The following TDRD3 variants were observed in gnomAD, a reference collection of about 807,000 sequenced individuals.
The protein encoded by TDRD3 is tudor domain containing 3, also known as tudor domain-containing protein 3.
TDRD3 carries 45 observed loss-of-function variants against 86.7 expected under a neutral mutation model. The observed-to-expected ratio is 0.52, with a 90% CI of 0.41 to 0.67. The LOEUF is 0.67. Ranked by LOEUF, TDRD3 falls within the 30% of genes least tolerant of loss-of-function variation. The pLI is 0.00. For missense variants in TDRD3, 814 were observed against 889.0 expected, an observed-to-expected ratio of 0.92 and a Z score of 1.07; for synonymous variants, 298 against 301.7, an observed-to-expected ratio of 0.99 and a Z score of 0.13.
intron 1 of TDRD3, among the ~76,000 whole-genome samples, chr13:60,417,173 C>A (rs1954541406): frequency 6.6e-6 from 1 of 151,458 alleles, no homozygotes; most frequent in African/African-American, 2.4e-5. Context: ...CACACCACCC[C>A]ACATGGCCAA....
In TDRD3 at chr13:60,557,887, A is replaced by G. The variant is rs541034423; in HGVS notation, c.2119-9638A>G. 5.4e-4 allele frequency among the ~76,000 whole-genome samples: 73 copies of G among 136,182 alleles called. 1 individual carries two copies. Among genetic ancestry groups the G allele is most frequent in the Middle Eastern group, 4.7e-3 (1 of 212 alleles). 89.3% of individuals were successfully genotyped at this position (136,182 alleles called of 152,430 possible). On this transcript the variant is annotated intron_variant, in intron 12 of 13. Coordinates refer to ENST00000377881, the MANE Select transcript of TDRD3 (RefSeq NM_001146070.2). ...TCACCAGGCTGGAGTGCAGTGTGCA[A>G]TCTCGGCTCACTGCAACCTCCACCT...
Position 60,483,820 on chromosome 13 carries a change from C to G in TDRD3, c.541C>G (p.Pro181Ala). Residue 181 changes from proline to alanine, a missense_variant, in exon 6 of 14, where the codon CCA becomes GCA. Coordinates refer to ENST00000377881, the MANE Select transcript of TDRD3 (RefSeq NM_001146070.2). ...AAGCAATATTGGAACTGAAGGTGGA[C>G]CACCGCCTTTTGTGCCTTTTGGACA... ...NRSNIGTEGG[P>A]PPFVPFGQKC... The G allele has an allele frequency of 2.5e-6, 4 of 1,613,268 alleles. No homozygotes were observed. The highest frequency in any genetic ancestry group is 3.4e-6 in the Non-Finnish European group (4 of 1,179,510).
intron 3 of TDRD3, among the ~76,000 whole-genome samples, chr13:60,445,784 T>A (rs1226793488): frequency 2.6e-5 from 4 of 152,184 alleles, no homozygotes; most frequent in Non-Finnish European, 5.9e-5. Context: ...ATCAAAGCAG[T>A]GTCTGTACAT....
intron 1 of TDRD3, among the ~76,000 whole-genome samples, chr13:60,417,381 C>T (rs1954550964): frequency 7.0e-6 from 1 of 142,302 alleles, no homozygotes; most frequent in South Asian, 2.2e-4. Context: ...GATGGAGTCT[C>T]ACTCTGTTGC....
At position 60,430,070 on chromosome 13, in the gene TDRD3, C is replaced by T. The variant is rs113591069; in HGVS notation, c.42-9618C>T. On this transcript the variant is annotated intron_variant, in intron 1 of 13. Coordinates refer to ENST00000377881, the MANE Select transcript of TDRD3 (RefSeq NM_001146070.2). ...CTTTTTCGGCAAGGGTAAACTGAGGCACAGAAAGATGAAGTAAATTGACTA... is the reference window on the plus strand; with the variant it reads ...CTTTTTCGGCAAGGGTAAACTGAGGTACAGAAAGATGAAGTAAATTGACTA... 3.4e-3 allele frequency among the ~76,000 whole-genome samples: 514 copies of T among 152,186 alleles called. 4 individuals are homozygous for T. Among genetic ancestry groups the T allele is most frequent in the African/African-American group, 0.012 (490 of 41,526 alleles).
chr13:60,509,848 A>T lies in TDRD3; in HGVS notation c.944A>T (p.Asn315Ile), dbSNP rs1255083073. The part of the protein sequence containing the change: ...SRQALMDNGN[N>I]LEAALNVLLT... ...CAAGCTCTTATGGATAATGGCAACA[A>T]CTTAGAAGCAGCACTGAACGTACTT... Residue 315 changes from asparagine to isoleucine, a missense_variant, in exon 9 of 14, where the codon AAC becomes ATC. Asn to Ile is a moderately radical substitution (Grantham distance 149, BLOSUM62 -3). Transcript: ENST00000377881. 6.2e-7 allele frequency: 1 copy of T among 1,613,802 alleles called. No individual in the cohort carries two copies. Among genetic ancestry groups the T allele is most frequent in the African/African-American group, 1.3e-5 (1 of 74,920 alleles).
intron 10 of TDRD3, among the ~76,000 whole-genome samples, chr13:60,511,052 A>G (rs911870390): frequency 6.6e-6 from 1 of 152,106 alleles, no homozygotes; most frequent in African/African-American, 2.4e-5. Flanking sequence ...TTGGAAATTT[A>G]TTATAATCTT....
At chr13:60,462,211 G>T (rs1049491290) in intron 4 of TDRD3, among the ~76,000 whole-genome samples, 5 of 152,170 alleles carry the variant, frequency 3.3e-5, no homozygotes, top group African/African-American at 1.2e-4. Context: ...CCCCTTGCAA[G>T]GGAGCTCACA....
chr13:60,397,266 T>TG lies in TDRD3; in HGVS notation c.-99_-98insG. 1.4e-6 allele frequency: 1 copy of TG among 718,954 alleles called. No individual in the cohort carries two copies. The highest frequency in any genetic ancestry group is 2.0e-6 in the Non-Finnish European group (1 of 492,650). The allele number at this position is 718,954 out of a possible 1,614,324, so 44.5% of individuals were successfully genotyped here. On this transcript the variant is annotated 5_prime_UTR_variant, in exon 1 of 14. An upstream open reading frame in the 5' UTR gains an earlier in-frame stop. Coordinates refer to ENST00000377881, the MANE Select transcript of TDRD3 (RefSeq NM_001146070.2). ...AGCCGACCAGAGGAGTTTTTTCTTT[T>TG]CTTTTCTTTTTTTTTTTTTAAGGGG... is the stretch of plus-strand genomic sequence containing the variant.
chr13:60,437,121 C>CTTTTTTTTTT (rs528500199), intron 1 of TDRD3, among the ~76,000 whole-genome samples: 4 of 73,760 alleles, frequency 5.4e-5, no homozygotes, highest in Non-Finnish European at 7.6e-5. Context: ...ATAAATTAAA[C>CTTTTTTTTTT]TTTTTTTTTT....
intron 3 of TDRD3, 43 bp downstream of exon 3, chr13:60,444,791 C>G (rs748984426): frequency 6.2e-6 from 7 of 1,124,790 alleles, no homozygotes; most frequent in Non-Finnish European, 7.5e-6. Context: ...AATTTAGTTA[C>G]AATAAATATG....
intron 4 of TDRD3, 64 bp downstream of exon 4, chr13:60,460,604 A>C: frequency 5.6e-6 from 8 of 1,425,864 alleles, no homozygotes; most frequent in Non-Finnish European, 7.4e-6. Context: ...AATTGGAATA[A>C]CTTAAGAATT....
chr13:60,546,803 A>G (rs1249471370), intron 12 of TDRD3, among the ~76,000 whole-genome samples: 1 of 152,176 alleles, frequency 6.6e-6, no homozygotes, highest in East Asian at 1.9e-4. Flanking sequence ...ATAAAAACTT[A>G]CACTCTTTTA....
chr13:60,430,330 T>C (rs1374480729), intron 1 of TDRD3, among the ~76,000 whole-genome samples: 2 of 152,172 alleles, frequency 1.3e-5, no homozygotes, highest in Non-Finnish European at 2.9e-5. Context: ...TAGGCAGCAA[T>C]GCTATGAGTG....
intron 6 of TDRD3, among the ~76,000 whole-genome samples, chr13:60,485,322 G>T (rs1956408105): frequency 6.6e-6 from 1 of 151,888 alleles, no homozygotes; most frequent in South Asian, 2.1e-4. Context: ...GATACGGGGG[G>T]TGGGTATGTT....
intron 5 of TDRD3, among the ~76,000 whole-genome samples, chr13:60,477,489 A>T (rs1212178035): frequency 6.6e-6 from 1 of 152,142 alleles, no homozygotes; most frequent in Non-Finnish European, 1.5e-5. Context: ...TGCTGTGATT[A>T]CAGCCTTGAG....
At chr13:60,562,172 G>T (rs1378408839) in intron 12 of TDRD3, among the ~76,000 whole-genome samples, 2 of 152,002 alleles carry the variant, frequency 1.3e-5, no homozygotes, top group African/African-American at 2.4e-5. Context: ...AATTATCTGG[G>T]TTTGGTGGTG....
At chr13:60,547,649 A>G (rs1022497074) in intron 12 of TDRD3, among the ~76,000 whole-genome samples, 1 of 152,118 alleles carries the variant, frequency 6.6e-6, no homozygotes, top group African/African-American at 2.4e-5. Context: ...TCTGTAGTCT[A>G]TTGTCCTCAA....
chr13:60,404,745 C>T (rs1021413019), intron 1 of TDRD3, among the ~76,000 whole-genome samples: 15 of 152,300 alleles, frequency 9.8e-5, no homozygotes, highest in African/African-American at 3.1e-4. Flanking sequence ...GCTGGGATTA[C>T]AGGTGCCCAC....
Sources: gnomAD v4.1 joint callset for allele counts (sites outside exome capture counted in the v4.1 genomes callset) on GRCh38, gnomAD v4.1.1 for gene constraint, MANE v1.5 for transcripts, NCBI Gene and HGNC (gene_info 2026-07-23, HGNC 2026-07-21) for gene names.